Variants in AK5 observed in about 807,000 individuals in gnomAD.
AK5 encodes the protein adenylate kinase isoenzyme 5.
A neutral mutation model predicts 69.5 loss-of-function variants in AK5; 27 were observed. That is an observed-to-expected ratio of 0.39 (90% confidence interval 0.29 to 0.54). The LOEUF (loss-of-function observed/expected upper bound fraction) is 0.54, where lower values mean the gene tolerates loss of function less well. Among genes scored for constraint, AK5 ranks in the 20% least tolerant of loss-of-function variants. AK5 has a pLI of 0.71. For synonymous variants in AK5, 260 were observed against 244.4 expected (o/e 1.06, Z -0.60); for missense variants, 531 against 700.4 (o/e 0.76, Z 2.73).
intron 10 of AK5, among the ~76,000 whole-genome samples, chr1:77,492,218 T>G (rs1656045739): frequency 6.6e-6 from 1 of 151,146 alleles, no homozygotes; most frequent in East Asian, 2.0e-4. Context: ...TGCTTAAGGG[T>G]AAAAATTAAA....
intron 6 of AK5, among the ~76,000 whole-genome samples, chr1:77,346,887 C>A (rs2815333): frequency 0.94 from 142,947 of 152,014 alleles, 67,821 homozygotes; most frequent in East Asian, 1. Flanking sequence ...CAACTTGCCC[C>A]AAAAAACCCA....
At chr1:77,296,497 A>G (rs1659011044) in intron 3 of AK5, among the ~76,000 whole-genome samples, 1 of 124,942 alleles carries the variant, frequency 8.0e-6, no homozygotes, top group Non-Finnish European at 1.7e-5. Flanking sequence ...ATTAGTTGAC[A>G]AAAAATTTTT....
Position 77,439,144 on chromosome 1 carries a change from G to A in AK5, c.1059+21429G>A, listed in dbSNP as rs146240715. Reference sequence around the variant, plus strand: ...TTTATATAATCCTAAATAAGAGAGAGAGAGACTCTCTGAAAGAAAATAATA... The same window carrying A: ...TTTATATAATCCTAAATAAGAGAGAAAGAGACTCTCTGAAAGAAAATAATA... On this transcript the variant is annotated intron_variant, in intron 8 of 13. Coordinates refer to ENST00000354567, the MANE Select transcript of AK5 (RefSeq NM_174858.3). 3.3e-4 allele frequency among the ~76,000 whole-genome samples: 50 copies of A among 152,272 alleles called. 2 individuals carry two copies. In the East Asian group the frequency reaches 9.1e-3, roughly 28 times the overall value.
chr1:77,389,230 C>G (rs189282942), intron 6 of AK5, among the ~76,000 whole-genome samples: 31 of 152,228 alleles, frequency 2.0e-4, no homozygotes, highest in African/African-American at 7.5e-4. Flanking sequence ...TTGGTAAAAG[C>G]CAAGACCACA....
chr1:77,514,739 G>A (rs1465385740), intron 10 of AK5, among the ~76,000 whole-genome samples: 2 of 152,218 alleles, frequency 1.3e-5, no homozygotes, highest in Non-Finnish European at 2.9e-5. Flanking sequence ...TTGCCTTTGT[G>A]TCGAGATTTA....
At chr1:77,353,748 G>A (rs1237624933) in intron 6 of AK5, among the ~76,000 whole-genome samples, 1 of 152,096 alleles carries the variant, frequency 6.6e-6, no homozygotes, top group Admixed American at 6.5e-5. Flanking sequence ...CACTCAGCTG[G>A]CCTCTGGAGG....
intron 8 of AK5, among the ~76,000 whole-genome samples, chr1:77,461,787 A>G (rs531322012): frequency 2.0e-5 from 3 of 152,174 alleles, no homozygotes; most frequent in South Asian, 4.1e-4. Context: ...AAAAAAAAGA[A>G]AGAAATCTAT....
chr1:77,381,696 T>C (rs1405049103), intron 6 of AK5, among the ~76,000 whole-genome samples: 1 of 152,196 alleles, frequency 6.6e-6, no homozygotes, highest in Non-Finnish European at 1.5e-5. Flanking sequence ...TATAAATATT[T>C]GGGGTTCCCA....
chr1:77,368,339 T>TTATATATGTTA (rs1647056831), intron 6 of AK5, among the ~76,000 whole-genome samples: 1 of 127,496 alleles, frequency 7.8e-6, no homozygotes. Context: ...GTTATATATG[T>TTATATATGTTA]TATATATATA....
intron 5 of AK5, among the ~76,000 whole-genome samples, chr1:77,311,414 TTCAA>T (rs1413218828): frequency 3.3e-5 from 5 of 152,146 alleles, no homozygotes; most frequent in Non-Finnish European, 1.5e-5. Context: ...TTGACTCTCA[TTCAA>T]TGTGTACTAC....
At chr1:77,480,072 T>G (rs969389694) in intron 8 of AK5, among the ~76,000 whole-genome samples, 7 of 152,182 alleles carry the variant, frequency 4.6e-5, no homozygotes, top group African/African-American at 1.4e-4. Flanking sequence ...ACAGGGGCTG[T>G]TTGGTATCTT....
rs565358042 is a variant in AK5 at position 77,425,835 on chromosome 1, A to G, written c.1059+8120A>G. 2.5e-4 allele frequency among the ~76,000 whole-genome samples: 38 copies of G among 152,324 alleles called. No homozygotes were observed. In the South Asian group the frequency reaches 7.9e-3, roughly 32 times the overall value. On this transcript the variant is annotated intron_variant, in intron 8 of 13. Coordinates refer to ENST00000354567, the MANE Select transcript of AK5 (RefSeq NM_174858.3). ...AGCAATGATACAAAGAACAGAAAGG[A>G]GGAATTAGGAATGTTTTGTTATTAC... is the stretch of plus-strand genomic sequence containing the variant.
intron 10 of AK5, among the ~76,000 whole-genome samples, chr1:77,516,265 C>G (rs80268527): frequency 0.026 from 3,998 of 152,188 alleles, 178 homozygotes; most frequent in East Asian, 0.22. Flanking sequence ...CATAAAAAGT[C>G]AAATTCATGG....
chr1:77,554,637 A>G (rs765518403), intron 13 of AK5, among the ~76,000 whole-genome samples: 1 of 151,612 alleles, frequency 6.6e-6, no homozygotes, highest in Non-Finnish European at 1.5e-5. Flanking sequence ...ACGGAGTCTC[A>G]CTCTGTTGCC....
chr1:77,394,593 T>C (rs1157687270), intron 6 of AK5, among the ~76,000 whole-genome samples: 1 of 151,938 alleles, frequency 6.6e-6, no homozygotes, highest in East Asian at 1.9e-4. Context: ...CCTATTTTAC[T>C]GAACAATGAA....
intron 6 of AK5, among the ~76,000 whole-genome samples, chr1:77,355,745 G>C (rs927659109): frequency 6.6e-6 from 1 of 151,582 alleles, no homozygotes; most frequent in African/African-American, 2.4e-5. Flanking sequence ...TTATAATTCT[G>C]CTGTCATCAT....
At chr1:77,545,569 G>A (rs1321691731) in intron 13 of AK5, among the ~76,000 whole-genome samples, 4 of 152,182 alleles carry the variant, frequency 2.6e-5, no homozygotes, top group Non-Finnish European at 5.9e-5. Context: ...TCTAGTAGGA[G>A]CGACTGCTGA....
intron 8 of AK5, among the ~76,000 whole-genome samples, chr1:77,469,670 G>A (rs535719325): frequency 1.1e-4 from 16 of 152,354 alleles, no homozygotes; most frequent in African/African-American, 3.8e-4. Context: ...GATCTGGGAC[G>A]GCCTCAGCTG....
intron 6 of AK5, among the ~76,000 whole-genome samples, chr1:77,401,737 C>T (rs1459983428): frequency 6.6e-6 from 1 of 152,148 alleles, no homozygotes; most frequent in East Asian, 1.9e-4. Flanking sequence ...AAAATGCAAA[C>T]CATGATTATA....
Sources: gnomAD v4.1 joint callset for allele counts (sites outside exome capture counted in the v4.1 genomes callset) on GRCh38, gnomAD v4.1.1 for gene constraint, MANE v1.5 for transcripts, NCBI Gene and HGNC (gene_info 2026-07-23, HGNC 2026-07-21) for gene names.